The following CPA6 variants were observed in gnomAD, a reference collection of about 807,000 sequenced individuals.
The protein encoded by CPA6 is carboxypeptidase A6, also known as carboxypeptidase B.
In CPA6, 58 loss-of-function variants were observed where a neutral mutation model predicts 63.3. The observed-to-expected ratio is 0.92, with a 90% CI of 0.74 to 1.14. The LOEUF is 1.14. CPA6 is among the 50% of genes most tolerant of loss of function. The pLI is 0.00. For missense variants in CPA6, 565 were observed against 526.6 expected (o/e 1.07, Z -0.71); for synonymous variants, 185 against 179.0 (o/e 1.03, Z -0.27).
intron 8 of CPA6, among the ~76,000 whole-genome samples, chr8:67,468,134 T>G (rs566370758): frequency 2.0e-5 from 3 of 152,106 alleles, no homozygotes; most frequent in Non-Finnish European, 4.4e-5. Flanking sequence ...ACATTTCCAC[T>G]AAAATACCCC....
intron 2 of CPA6, among the ~76,000 whole-genome samples, chr8:67,573,138 C>CAT (rs1358695150): frequency 6.6e-6 from 1 of 152,142 alleles, no homozygotes; most frequent in Non-Finnish European, 1.5e-5. Context: ...CAATAAAAGC[C>CAT]ATATATAACA....
chr8:67,661,622 C>T (rs1816111300), intron 1 of CPA6, among the ~76,000 whole-genome samples: 1 of 152,196 alleles, frequency 6.6e-6, no homozygotes, highest in Admixed American at 6.5e-5. Flanking sequence ...AACTCAGAGA[C>T]TGCTTTATTA....
chr8:67,581,770 A>G (rs896241531), intron 2 of CPA6, among the ~76,000 whole-genome samples: 2 of 152,218 alleles, frequency 1.3e-5, no homozygotes, highest in African/African-American at 4.8e-5. Context: ...CAATGGTCAA[A>G]ATATTATGCT....
chr8:67,468,581 A>AAAAATAAAAT (rs55739926), intron 8 of CPA6, among the ~76,000 whole-genome samples: 5,236 of 138,658 alleles, frequency 0.038, 134 homozygotes, highest in African/African-American at 0.053. Flanking sequence ...ACTCTGTCTC[A>AAAAATAAAAT]AAAATAAAAT....
chr8:67,444,425 T>C (rs1810367715), intron 8 of CPA6, among the ~76,000 whole-genome samples: 1 of 152,078 alleles, frequency 6.6e-6, no homozygotes, highest in Admixed American at 6.5e-5. Flanking sequence ...GTACTAAAGA[T>C]AAATATGAAG....
chr8:67,624,116 A>G, intron 2 of CPA6, 60 bp downstream of exon 2: 1 of 1,016,690 alleles, frequency 9.8e-7, no homozygotes, highest in Non-Finnish European at 1.5e-6. Context: ...TCCAGTCAGC[A>G]AATCCCTGTA....
chr8:67,624,465 A>T (rs887423532), intron 1 of CPA6, among the ~76,000 whole-genome samples: 1 of 152,206 alleles, frequency 6.6e-6, no homozygotes, highest in Non-Finnish European at 1.5e-5. Context: ...CAGCTTTTGA[A>T]GATTACAAAC....
At chr8:67,639,011 G>C (rs1049567904) in intron 1 of CPA6, among the ~76,000 whole-genome samples, 1 of 151,410 alleles carries the variant, frequency 6.6e-6, no homozygotes, top group Non-Finnish European at 1.5e-5. Flanking sequence ...ACAAATAGGA[G>C]CTTACTATCA....
At chr8:67,436,963 G>C (rs1288296066) in intron 8 of CPA6, among the ~76,000 whole-genome samples, 3 of 152,178 alleles carry the variant, frequency 2.0e-5, no homozygotes, top group Admixed American at 2.0e-4. Context: ...CTTGAGGACC[G>C]TAAGTGTAGT....
At chr8:67,713,456 G>A (rs974548630) in intron 1 of CPA6, among the ~76,000 whole-genome samples, 3 of 151,884 alleles carry the variant, frequency 2.0e-5, no homozygotes, top group Non-Finnish European at 2.9e-5. Context: ...TCTTTGTTTC[G>A]GGTTTTACCA....
chr8:67,671,841 A>G (rs1816353639), intron 1 of CPA6, among the ~76,000 whole-genome samples: 2 of 152,076 alleles, frequency 1.3e-5, no homozygotes, highest in African/African-American at 2.4e-5. Flanking sequence ...ATTGTATTTT[A>G]TGTTTTTTAG....
At chr8:67,688,918 T>C (rs1005691224) in intron 1 of CPA6, among the ~76,000 whole-genome samples, 2 of 152,100 alleles carry the variant, frequency 1.3e-5, no homozygotes, top group African/African-American at 4.8e-5. Flanking sequence ...CATAGACTAG[T>C]ATAGTTTTCT....
intron 1 of CPA6, among the ~76,000 whole-genome samples, chr8:67,630,407 A>T (rs1815297543): frequency 6.6e-6 from 1 of 152,172 alleles, no homozygotes; most frequent in Non-Finnish European, 1.5e-5. Context: ...AGAACATGCC[A>T]ACTCCTCACA....
intron 8 of CPA6, among the ~76,000 whole-genome samples, chr8:67,449,966 C>A (rs901998683): frequency 2.6e-5 from 4 of 152,054 alleles, no homozygotes; most frequent in Admixed American, 2.0e-4. Flanking sequence ...CAGGTGCACA[C>A]CACCACGCCC....
Position 67,475,884 on chromosome 8 carries a change from T to C in CPA6, c.838+7884A>G, listed in dbSNP as rs1290836042. 2.8e-3 allele frequency among the ~76,000 whole-genome samples: 110 copies of C among 39,208 alleles called. 4 individuals are homozygous for C. Among genetic ancestry groups the C allele is most frequent in the African/African-American group, 0.011 (104 of 9,214 alleles). 25.7% of individuals were successfully genotyped at this position (39,208 alleles called of 152,430 possible). A position where few individuals can be genotyped will look rare whatever the true frequency, so the allele number is the denominator to read the frequency against. On this transcript the variant is annotated intron_variant, in intron 8 of 10. Coordinates refer to ENST00000297770, the MANE Select transcript of CPA6 (RefSeq NM_020361.5). ...CTTTCTTTCTTTCTTTCTTTCTCCT[T>C]TCTTTCTTTCTTTCTTTCTTTCTTT...
intron 1 of CPA6, among the ~76,000 whole-genome samples, chr8:67,630,273 T>C (rs572330957): frequency 1.3e-5 from 2 of 151,940 alleles, no homozygotes; most frequent in South Asian, 4.2e-4. Context: ...CATTACAGGG[T>C]ACACTCACAC....
chr8:67,426,228 C>T (rs949059408), intron 10 of CPA6, among the ~76,000 whole-genome samples: 4 of 152,242 alleles, frequency 2.6e-5, no homozygotes, highest in Non-Finnish European at 5.9e-5. Context: ...TTTGGCCTTG[C>T]AAAGTGCTAG....
In CPA6 at chr8:67,637,981, T is replaced by TTGTGTGTGTG. The variant is rs3055710; in HGVS notation, c.117-13740_117-13731dup. Among the ~76,000 whole-genome samples, 606 of 146,668 alleles carry TTGTGTGTGTG rather than the reference T, an allele frequency of 4.1e-3. 18 individuals carry two copies. The highest frequency in any genetic ancestry group is 0.034 in the Admixed American group (503 of 14,830). ...AAAGCCCTTAGTAATGCTAGAAATT[T>TTGTGTGTGTG]TGTGTGTGTGTGTGTGTGTGTGTGT... On this transcript the variant is annotated intron_variant, in intron 1 of 10. Transcript: ENST00000297770.
intron 6 of CPA6, among the ~76,000 whole-genome samples, chr8:67,499,292 G>C (rs1005378487): frequency 2.0e-5 from 3 of 152,160 alleles, no homozygotes; most frequent in Non-Finnish European, 4.4e-5. Flanking sequence ...GAGAGAGTCA[G>C]GGCCAGCTGA....
Sources: gnomAD v4.1 joint callset for allele counts (sites outside exome capture counted in the v4.1 genomes callset) on GRCh38, gnomAD v4.1.1 for gene constraint, MANE v1.5 for transcripts, NCBI Gene and HGNC (gene_info 2026-07-23, HGNC 2026-07-21) for gene names.